The following GDAP1 variants were observed in gnomAD, a reference collection of about 807,000 sequenced individuals.
GDAP1 encodes ganglioside induced differentiation associated protein 1.
GDAP1 carries 34 observed loss-of-function variants against 40.1 expected under a neutral mutation model. The observed-to-expected ratio is 0.85, with a 90% confidence interval of 0.64 to 1.13. GDAP1 has a LOEUF of 1.13. Ranked by LOEUF, GDAP1 falls within the 50% of genes most tolerant of loss-of-function variation. GDAP1 has a pLI of 0.00. For synonymous variants in GDAP1, 170 were observed against 157.4 expected, an observed-to-expected ratio of 1.08 and a Z score of -0.60; for missense variants, 374 against 433.7, an observed-to-expected ratio of 0.86 and a Z score of 1.22.
At chr8:74,369,572 G>A (rs1458148538), downstream of GDAP1, among the ~76,000 whole-genome samples, 4 of 152,070 alleles carry the variant, frequency 2.6e-5, no homozygotes, top group African/African-American at 9.7e-5. Context: ...TCTAATATGT[G>A]TGTTACGGGA....
chr8:74,354,351 A>ATT (rs1302096095), intron 2 of GDAP1, among the ~76,000 whole-genome samples: 3 of 152,224 alleles, frequency 2.0e-5, no homozygotes, highest in Non-Finnish European at 2.9e-5. Context: ...AAATGAATAA[A>ATT]TTATTGAAAC....
rs751856711 is a variant in GDAP1 at position 74,350,539 on chromosome 8, C to T, written c.78C>T (p.Leu26=). ...AEGKADAEVK[L]ILYHWTHSFS... ...GCAAGGCCGACGCGGAGGTTAAGCT[C>T]ATTCTGTACCATTGGACGCATTCCT... The change falls in exon 1 of 6, where the codon CTC becomes CTT. Residue 26 remains leucine, a synonymous_variant. Transcript: ENST00000220822. 3.1e-6 allele frequency: 5 copies of T among 1,611,844 alleles called. No individual in the cohort carries two copies. The highest frequency in any genetic ancestry group is 8.5e-7 in the Non-Finnish European group (1 of 1,177,922).
chr8:74,456,455 G>A (rs1341742177), intron 2 of GDAP1, among the ~76,000 whole-genome samples: 1 of 151,854 alleles, frequency 6.6e-6, no homozygotes, highest in African/African-American at 2.4e-5. Flanking sequence ...GTGGTTCAGA[G>A]TAAATAAAAT....
At chr8:74,424,624 C>T (rs1014096302) in intron 2 of GDAP1, among the ~76,000 whole-genome samples, 4 of 152,152 alleles carry the variant, frequency 2.6e-5, no homozygotes, top group South Asian at 2.1e-4. Flanking sequence ...TGCTACAGCA[C>T]GTGTTTATTT....
intron 2 of GDAP1, among the ~76,000 whole-genome samples, chr8:74,403,397 C>T (rs892090387): frequency 2.7e-5 from 4 of 149,838 alleles, no homozygotes; most frequent in Non-Finnish European, 5.9e-5. Context: ...TTTTTTCTAT[C>T]CTGTCAGAGA....
chr8:74,362,287 G>A (rs1809406233), intron 4 of GDAP1, among the ~76,000 whole-genome samples: 1 of 152,102 alleles, frequency 6.6e-6, no homozygotes, highest in African/African-American at 2.4e-5. Context: ...GGAAGTCCTC[G>A]CTAGACCTAC....
rs1806304759 is a variant in GDAP1, at chr8:74,453,054, A to G, written c.166-35624A>G. 2.4e-5 allele frequency among the ~76,000 whole-genome samples: 2 copies of G among 83,026 alleles called. 1 individual carries two copies. The highest frequency in any genetic ancestry group is 4.9e-5 in the Non-Finnish European group (2 of 41,012). The allele number at this position is 83,026 out of a possible 152,430, so 54.5% of individuals were successfully genotyped here. ...AAATCACTTAGTCCTGGAACAGACT[A>G]TGCATAAACAGTGGGTTCTGGAGTT... On this transcript the variant is annotated intron_variant, in intron 2 of 2. Coordinates refer to the GDAP1 transcript ENST00000523640.
At chr8:74,471,446 CT>C (rs11306112) in intron 2 of GDAP1, among the ~76,000 whole-genome samples, 112,061 of 149,910 alleles carry the variant, frequency 0.75, 42,227 homozygotes, top group African/African-American at 0.86. Flanking sequence ...GTAAATTTTC[CT>C]TTTTTTTTTA....
At position 74,365,190 on chromosome 8, in the gene GDAP1, T is replaced by G. The variant is rs1257298806; in HGVS notation, c.*823T>G. 2.2e-6 allele frequency: 1 copy of G among 454,088 alleles called. No individual in the cohort carries two copies. Among genetic ancestry groups the G allele is most frequent in the East Asian group, 6.9e-5 (1 of 14,396 alleles). 28.1% of individuals were successfully genotyped at this position (454,088 alleles called of 1,614,324 possible). On this transcript the variant is annotated 3_prime_UTR_variant, in exon 6 of 6. Coordinates refer to ENST00000220822, the MANE Select transcript of GDAP1 (RefSeq NM_018972.4). ...GGTATTGGCTGGGTAGTGGGTATTT[T>G]GATGATCTGGGAGCACCAAATATGT...
chr8:74,398,046 T>C (rs1223442642), intron 2 of GDAP1, among the ~76,000 whole-genome samples: 1 of 151,592 alleles, frequency 6.6e-6, no homozygotes, highest in African/African-American at 2.4e-5. Flanking sequence ...TAGTGGTTTG[T>C]AGTTCTCCTT....
At chr8:74,400,564 T>C (rs1231632429) in intron 2 of GDAP1, among the ~76,000 whole-genome samples, 1 of 150,050 alleles carries the variant, frequency 6.7e-6, no homozygotes, top group Admixed American at 6.6e-5. Flanking sequence ...TTAAAGCTAA[T>C]ACTGTTATGT....
intron 2 of GDAP1, among the ~76,000 whole-genome samples, chr8:74,458,538 T>G (rs1440028634): frequency 2.6e-5 from 4 of 152,166 alleles, no homozygotes; most frequent in African/African-American, 9.6e-5. Flanking sequence ...CATCCACAAC[T>G]CAAGAATGGT....
intron 2 of GDAP1, among the ~76,000 whole-genome samples, chr8:74,418,392 T>G (rs753569662): frequency 5.9e-5 from 9 of 152,294 alleles, no homozygotes; most frequent in Non-Finnish European, 1.2e-4. Context: ...CACAGAAATA[T>G]GGCCAATTGA....
At chr8:74,422,346 TTTCTTCCCTTCC>T (rs1362834848) in intron 2 of GDAP1, among the ~76,000 whole-genome samples, 690 of 49,414 alleles carry the variant, frequency 0.014, 17 homozygotes, top group Middle Eastern at 0.048. Flanking sequence ...TCTTTCTTTC[TTTCTTCCCTTCC>T]TTCCTTCCTT....
intron 2 of GDAP1, among the ~76,000 whole-genome samples, chr8:74,357,222 A>AG (rs1210821981): frequency 2.0e-5 from 3 of 152,210 alleles, no homozygotes; most frequent in Non-Finnish European, 4.4e-5. Context: ...AAGTAGACCT[A>AG]GGGGAGTCTT....
intron 2 of GDAP1, among the ~76,000 whole-genome samples, chr8:74,372,906 C>A (rs981729780): frequency 2.6e-5 from 4 of 152,118 alleles, no homozygotes; most frequent in Non-Finnish European, 5.9e-5. Context: ...TTAGGTCTAA[C>A]ATTTAAGTCT....
intron 2 of GDAP1, 78 bp from the exon 3 acceptor site, chr8:74,360,059 A>G: frequency 1.1e-6 from 1 of 943,986 alleles, no homozygotes; most frequent in Non-Finnish European, 1.7e-6. Flanking sequence ...TGATGAGTGG[A>G]TAGTGTTTTT....
At chr8:74,412,956 A>G (rs1805732994) in intron 2 of GDAP1, among the ~76,000 whole-genome samples, 1 of 144,904 alleles carries the variant, frequency 6.9e-6, no homozygotes, top group South Asian at 2.1e-4. Context: ...AGTCCCAGCT[A>G]CTTGGGAGGC....
At chr8:74,396,932 C>G (rs1267322162) in intron 2 of GDAP1, among the ~76,000 whole-genome samples, 8 of 152,366 alleles carry the variant, frequency 5.3e-5, no homozygotes, top group African/African-American at 1.7e-4. Context: ...AATCGCCACA[C>G]TGACTTCCAC....
Sources: gnomAD v4.1 joint callset for allele counts (sites outside exome capture counted in the v4.1 genomes callset) on GRCh38, gnomAD v4.1.1 for gene constraint, MANE v1.5 for transcripts, NCBI Gene and HGNC (gene_info 2026-07-23, HGNC 2026-07-21) for gene names.